The following DIAPH3 variants were observed in gnomAD, a reference collection of about 807,000 sequenced individuals.
DIAPH3 encodes diaphanous related formin 3, also known as protein diaphanous homolog 3.
Under a neutral mutation model 144.3 loss-of-function variants are expected in DIAPH3, and 117 were observed. The observed-to-expected ratio is 0.81, with a 90% CI of 0.70 to 0.95. The LOEUF (loss-of-function observed/expected upper bound fraction) is 0.95, where lower values mean the gene tolerates loss of function less well. Ranked by LOEUF, DIAPH3 falls within the 40% of genes least tolerant of loss-of-function variation. The probability of loss-of-function intolerance (pLI) is 0.00; values close to 1 mark genes in which losing one functional copy is unlikely to be tolerated. For missense variants in DIAPH3, 1,421 were observed against 1,412.7 expected (o/e 1.01, Z -0.09); for synonymous variants, 519 against 488.9 (o/e 1.06, Z -0.81).
intron 7 of DIAPH3, among the ~76,000 whole-genome samples, chr13:60,014,969 T>TTTTTG (rs71089521): frequency 0.43 from 63,572 of 146,886 alleles, 14,104 homozygotes; most frequent in South Asian, 0.51. Context: ...TTTTCTAGTT[T>TTTTTG]TTTTGTTTTG....
At chr13:59,723,550 G>A (rs1182644427) in intron 27 of DIAPH3, among the ~76,000 whole-genome samples, 2 of 151,816 alleles carry the variant, frequency 1.3e-5, no homozygotes, top group Non-Finnish European at 2.9e-5. Flanking sequence ...GTAAAAGTCT[G>A]TTTTGTCGTA....
intron 25 of DIAPH3, among the ~76,000 whole-genome samples, chr13:59,799,672 T>C (rs2039803381): frequency 6.6e-6 from 1 of 152,224 alleles, no homozygotes; most frequent in Non-Finnish European, 1.5e-5. Flanking sequence ...TGAGGAGTTT[T>C]TGTCCCACAA....
intron 27 of DIAPH3, among the ~76,000 whole-genome samples, chr13:59,772,364 T>A (rs963487626): frequency 6.6e-6 from 1 of 152,052 alleles, no homozygotes; most frequent in Non-Finnish European, 1.5e-5. Context: ...GAAATATGAA[T>A]AGAAAATACT....
intron 1 of DIAPH3, among the ~76,000 whole-genome samples, chr13:60,136,027 T>C (rs866067537): frequency 2.2e-4 from 33 of 152,322 alleles, no homozygotes; most frequent in African/African-American, 7.9e-4. Flanking sequence ...AGGTCCTGCC[T>C]GTTTGGCTTA....
intron 5 of DIAPH3, among the ~76,000 whole-genome samples, chr13:60,040,233 A>AG (rs1290785448): frequency 6.7e-6 from 1 of 149,734 alleles, no homozygotes; most frequent in Non-Finnish European, 1.5e-5. Context: ...TCTCAAAAAA[A>AG]AAAAAAAAAA....
chr13:59,809,890 G>A (rs1039422441), intron 25 of DIAPH3, among the ~76,000 whole-genome samples: 22 of 152,102 alleles, frequency 1.4e-4, no homozygotes, highest in African/African-American at 4.8e-4. Context: ...GCAGTGAAGC[G>A]GATGGATTTT....
At chr13:60,137,059 C>T (rs148374408) in intron 1 of DIAPH3, among the ~76,000 whole-genome samples, 263 of 152,342 alleles carry the variant, frequency 1.7e-3, no homozygotes, top group African/African-American at 5.9e-3. Flanking sequence ...CATCCTTCTT[C>T]CTCTGGTCCT....
chr13:59,757,598 C>T (rs2037354340), intron 27 of DIAPH3, among the ~76,000 whole-genome samples: 1 of 151,910 alleles, frequency 6.6e-6, no homozygotes, highest in African/African-American at 2.4e-5. Context: ...GATGGGGTTT[C>T]ACCGTGTTAG....
chr13:60,088,027 T>C (rs2057804683), intron 4 of DIAPH3, among the ~76,000 whole-genome samples: 1 of 152,074 alleles, frequency 6.6e-6, no homozygotes, highest in Non-Finnish European at 1.5e-5. Flanking sequence ...GAGAAATGTT[T>C]AAAGCATTTT....
At chr13:60,092,606 G>A (rs1293353242) in intron 4 of DIAPH3, among the ~76,000 whole-genome samples, 1 of 152,008 alleles carries the variant, frequency 6.6e-6, no homozygotes, top group East Asian at 1.9e-4. Context: ...AGCCGAGATG[G>A]CGCCACTGCA....
chr13:59,942,048 C>T (rs577350827), intron 17 of DIAPH3, among the ~76,000 whole-genome samples: 1 of 152,296 alleles, frequency 6.6e-6, no homozygotes, highest in East Asian at 1.9e-4. Context: ...TCACAAGCTG[C>T]TCCTTCTAAG....
chr13:60,041,318 A>G (rs752546801), intron 5 of DIAPH3, among the ~76,000 whole-genome samples: 1 of 152,214 alleles, frequency 6.6e-6, no homozygotes, highest in Non-Finnish European at 1.5e-5. Flanking sequence ...TTTATGGAGC[A>G]TTTCCTACAT....
chr13:60,017,102 G>T (rs1159446534), intron 5 of DIAPH3, among the ~76,000 whole-genome samples: 5 of 152,136 alleles, frequency 3.3e-5, no homozygotes, highest in Non-Finnish European at 7.4e-5. Flanking sequence ...TGAACAGTAA[G>T]ATGTTAAAAA....
chr13:59,682,151 AG>A (rs2032982080), intron 27 of DIAPH3, among the ~76,000 whole-genome samples: 1 of 152,208 alleles, frequency 6.6e-6, no homozygotes, highest in African/African-American at 2.4e-5. Context: ...CAGGTTCACT[AG>A]TACATTGGAA....
intron 27 of DIAPH3, among the ~76,000 whole-genome samples, chr13:59,725,874 G>T (rs1401727195): frequency 6.6e-6 from 1 of 152,130 alleles, no homozygotes; most frequent in Admixed American, 6.6e-5. Context: ...ACAGCAGAAA[G>T]CAACTTAAGA....
intron 1 of DIAPH3, among the ~76,000 whole-genome samples, chr13:60,135,003 T>C (rs2059233739): frequency 6.6e-6 from 1 of 152,106 alleles, no homozygotes; most frequent in South Asian, 2.1e-4. Flanking sequence ...ATTTATGATC[T>C]AAAAACTACA....
intron 2 of DIAPH3, among the ~76,000 whole-genome samples, chr13:60,118,650 T>A (rs185741601): frequency 6.6e-6 from 1 of 152,314 alleles, no homozygotes; most frequent in Non-Finnish European, 1.5e-5. Context: ...TTAGTTAACT[T>A]TATTACTAAT....
intron 17 of DIAPH3, among the ~76,000 whole-genome samples, chr13:59,967,908 G>GA (rs1463113993): frequency 3.3e-5 from 5 of 151,662 alleles, no homozygotes; most frequent in Admixed American, 1.3e-4. Context: ...TACTGTCACA[G>GA]AAAAAAAAGA....
At chr13:59,803,801 A>G (rs1489796141) in intron 25 of DIAPH3, among the ~76,000 whole-genome samples, 1 of 152,198 alleles carries the variant, frequency 6.6e-6, no homozygotes, top group Non-Finnish European at 1.5e-5. Flanking sequence ...ATGCCTGCAC[A>G]TAAGTGAAAA....
Sources: allele counts gnomAD v4.1 joint callset (sites outside exome capture counted in the v4.1 genomes callset), GRCh38; gene constraint gnomAD v4.1.1; transcripts MANE v1.5; gene names NCBI Gene and HGNC (gene_info 2026-07-23, HGNC 2026-07-21).